The following SKOR2 variants were observed in gnomAD, a reference collection of about 807,000 sequenced individuals.
SKOR2 encodes SKI family transcriptional corepressor 2, also known as LBX1 corepressor 1-like protein.
A neutral mutation model predicts 69.1 loss-of-function variants in SKOR2; 47 were observed. The observed-to-expected ratio is 0.68, with a 90% CI of 0.54 to 0.87. The LOEUF is 0.87. Among genes scored for constraint, SKOR2 ranks in the 40% least tolerant of loss-of-function variants. SKOR2 has a pLI of 0.00. For missense variants in SKOR2, 1,404 were observed against 1,472.2 expected, an observed-to-expected ratio of 0.95 and a Z score of 0.76; for synonymous variants, 717 against 672.6, an observed-to-expected ratio of 1.07 and a Z score of -1.02.
In SKOR2 at chr18:47,213,405, T is replaced by C. The variant is rs142803434; in HGVS notation, c.2986-1254A>G. 5.1e-3 allele frequency among the ~76,000 whole-genome samples: 754 copies of C among 147,830 alleles called. 8 individuals carry two copies. The highest frequency in any genetic ancestry group is 0.018 in the African/African-American group (721 of 40,786). On this transcript the variant is annotated intron_variant, in intron 7 of 8. Transcript: ENST00000425639. ...TATATATTTATATATATCATATAAA[T>C]ATTATATATATATAATATTTCCCAC... is the stretch of plus-strand genomic sequence containing the variant.
chr18:47,220,929 T>C (rs1392585302), intron 6 of SKOR2, among the ~76,000 whole-genome samples: 2 of 152,174 alleles, frequency 1.3e-5, no homozygotes, highest in African/African-American at 2.4e-5. Context: ...GTGAGTTCTA[T>C]GTGTTCCACC....
chr18:47,245,435 T>C, intron 3 of SKOR2, 63 bp downstream of exon 3: 5 of 1,403,118 alleles, frequency 3.6e-6, no homozygotes, highest in South Asian at 1.5e-5. Context: ...TGGGCATAAG[T>C]CTCACAGAAA....
Position 47,247,365 on chromosome 18 carries a change from G to A in SKOR2, c.1819C>T (p.Leu607Phe), listed in dbSNP as rs1275973460. 1.4e-5 allele frequency: 20 copies of A among 1,443,286 alleles called. No homozygotes were observed. Among genetic ancestry groups the A allele is most frequent in the Non-Finnish European group, 1.8e-5 (20 of 1,101,904 alleles). 89.4% of individuals were successfully genotyped at this position (1,443,286 alleles called of 1,614,324 possible). A position where few individuals can be genotyped will look rare whatever the true frequency, so the allele number is the denominator to read the frequency against. ...SRVPAPHHPH[L>F]LEGRKAGGGS... ...CCGCCCGCTTTGCGCCCCTCCAGAA[G>A]GTGCGGATGGTGGGGCGCCGGAACC... The change falls in exon 2 of 9, where the codon CTT becomes TTT. Residue 607 changes from leucine (L) to phenylalanine (F), a missense_variant. Around this residue, in one of 3 missense-constraint regions of SKOR2, gnomAD observed 1,266 missense variants for 1,309.9 expected, o/e 0.97. Transcript: ENST00000425639. This position sits in a 1 kb window ranked among gnomAD's most constrained non-coding sequence, Gnocchi z 6.6.
rs1246911585 is a variant in SKOR2 at position 47,206,609 on chromosome 18, A to G, written c.*287T>C. 2.6e-5 allele frequency: 4 copies of G among 152,316 alleles called. No individual in the cohort carries two copies. Among genetic ancestry groups the G allele is most frequent in the Non-Finnish European group, 4.4e-5 (3 of 68,124 alleles). 9.4% of individuals were successfully genotyped at this position (152,316 alleles called of 1,614,324 possible). The stretch of plus-strand genomic sequence containing the variant: ...CACTTCCCATGCTCTGGGTTCAGCT[A>G]TCCTTTAAAAACACAAAGACTCGAA... On this transcript the variant is annotated 3_prime_UTR_variant, in exon 9 of 9. Transcript: ENST00000425639.
intron 7 of SKOR2, among the ~76,000 whole-genome samples, chr18:47,218,589 C>CAAAAAAAAAA (rs57860548): frequency 2.3e-5 from 2 of 88,242 alleles, no homozygotes; most frequent in African/African-American, 9.2e-5. Context: ...GACCCTGTCT[C>CAAAAAAAAAA]AAAAAAAAAA....
At chr18:47,212,396 A>G (rs1044106745) in intron 7 of SKOR2, among the ~76,000 whole-genome samples, 1 of 152,226 alleles carries the variant, frequency 6.6e-6, no homozygotes, top group African/African-American at 2.4e-5. Context: ...CCTTGAGGTT[A>G]ACATGTGATG....
chr18:47,213,096 G>T (rs568795406), intron 7 of SKOR2, among the ~76,000 whole-genome samples: 3 of 152,164 alleles, frequency 2.0e-5, no homozygotes, highest in East Asian at 3.9e-4. Context: ...ATCACAGTTG[G>T]TATGCTACTT....
rs1160748151 is a variant in SKOR2, at chr18:47,211,083, A to G, written c.*3+1003T>C. 2.0e-5 allele frequency among the ~76,000 whole-genome samples: 3 copies of G among 152,228 alleles called. No individual in the cohort carries two copies. The East Asian group carries it at 5.8e-4, about 29-fold the overall frequency. On this transcript the variant is annotated intron_variant, in intron 8 of 8. Coordinates refer to ENST00000425639, the MANE Select transcript of SKOR2 (RefSeq NM_001278063.4). ...AATAAAGATAATGGCAAGAAAAGTC[A>G]TTTGTACCTGATAGAGGAAATTTGT...
At chr18:47,222,330 GAA>G (rs2064164233) in intron 6 of SKOR2, among the ~76,000 whole-genome samples, 2 of 150,536 alleles carry the variant, frequency 1.3e-5, no homozygotes, top group Non-Finnish European at 3.0e-5. Context: ...AAAAAAAAAA[GAA>G]AAAATTTTTG....
intron 4 of SKOR2, among the ~76,000 whole-genome samples, chr18:47,233,203 T>C (rs1391789882): frequency 1.6e-4 from 24 of 152,210 alleles, no homozygotes; most frequent in Admixed American, 1.6e-3. Flanking sequence ...CCAGATCAGA[T>C]TCCTATAGCC....
chr18:47,230,350 CTGTG>C, intron 6 of SKOR2, 105 bp downstream of exon 6: 1 of 631,748 alleles, frequency 1.6e-6, no homozygotes, highest in Non-Finnish European at 2.3e-6. Context: ...CATGGGAAGA[CTGTG>C]TGTGTTTTGC....
Position 47,249,154 on chromosome 18 carries a change from G to C in SKOR2, c.30C>G (p.Asn10Lys). 6.5e-7 allele frequency: 1 copy of C among 1,535,508 alleles called. No homozygotes were observed. The highest frequency in any genetic ancestry group is 8.7e-7 in the Non-Finnish European group (1 of 1,146,546). ...TCGACGGCGACGCCAGCAGGATGTC[G>C]TTGGGCCCTGGCAGCGGACTGGAAG... MASSPLPGP[N>K]DILLASPSSA... The change falls in exon 2 of 9, where the codon AAC becomes AAG. Residue 10 changes from asparagine (N) to lysine (K), a missense_variant. Physicochemically the swap from Asn to Lys is moderately conservative, Grantham distance 94. Coordinates refer to ENST00000425639, the MANE Select transcript of SKOR2 (RefSeq NM_001278063.4).
intron 7 of SKOR2, among the ~76,000 whole-genome samples, chr18:47,213,243 G>A (rs1032728658): frequency 6.6e-5 from 10 of 151,652 alleles, no homozygotes; most frequent in Non-Finnish European, 1.3e-4. Context: ...GGGCTCTAAA[G>A]ACTTTATTCT....
chr18:47,247,375 G>T lies in SKOR2; in HGVS notation c.1809C>A (p.His603Gln). ...GPAGSRVPAP[H>Q]HPHLLEGRKA... Reference sequence around the variant, plus strand: ...TGCGCCCCTCCAGAAGGTGCGGATGGTGGGGCGCCGGAACCCGGGAGCCCG... The same window carrying T: ...TGCGCCCCTCCAGAAGGTGCGGATGTTGGGGCGCCGGAACCCGGGAGCCCG... Residue 603 changes from histidine to glutamine, a missense_variant, in exon 2 of 9, where the codon CAC becomes CAA. Coordinates refer to ENST00000425639, the MANE Select transcript of SKOR2 (RefSeq NM_001278063.4). This position sits in a 1 kb window ranked among gnomAD's most constrained non-coding sequence, Gnocchi z 6.6. 1 of 1,414,954 alleles carries T rather than the reference G, an allele frequency of 7.1e-7. No individual in the cohort carries two copies. Among genetic ancestry groups the T allele is most frequent in the Non-Finnish European group, 9.2e-7 (1 of 1,086,320 alleles). 87.6% of individuals were successfully genotyped at this position (1,414,954 alleles called of 1,614,324 possible).
At chr18:47,249,425 C>T (rs1399816070) in intron 1 of SKOR2, among the ~76,000 whole-genome samples, 195 bp from the exon 2 acceptor site, 2 of 152,220 alleles carry the variant, frequency 1.3e-5, no homozygotes, top group African/African-American at 4.8e-5. Context: ...TTTAGAAATG[C>T]AGGAATTTGC....
chr18:47,248,528 C>T lies in SKOR2; in HGVS notation c.656G>A (p.Ser219Asn), dbSNP rs1456102628. 2.0e-6 allele frequency: 3 copies of T among 1,537,176 alleles called. No individual in the cohort carries two copies. Among genetic ancestry groups the T allele is most frequent in the South Asian group, 1.2e-5 (1 of 84,062 alleles). Residue 219 changes from serine to asparagine, a missense_variant, in exon 2 of 9, where the codon AGT becomes AAT. Around this residue, in one of 3 missense-constraint regions of SKOR2, gnomAD observed 1,266 missense variants for 1,309.9 expected, o/e 0.97. Transcript: ENST00000425639. The surrounding 1 kb of genome is among the most constrained non-coding windows in gnomAD (Gnocchi z 6.4). ...GGCGAAGACCAGCTCGTCCTGGGGACTCTTGTCGGTGAGCTTGAGATGACG... is the reference window on the plus strand; with the variant it reads ...GGCGAAGACCAGCTCGTCCTGGGGATTCTTGTCGGTGAGCTTGAGATGACG... Reference protein sequence around the residue: ...WRRHLKLTDKSPQDELVFAWE... With the variant: ...WRRHLKLTDKNPQDELVFAWE...
chr18:47,244,755 A>G (rs1306287470), intron 4 of SKOR2, among the ~76,000 whole-genome samples, 153 bp downstream of exon 4: 2 of 152,302 alleles, frequency 1.3e-5, no homozygotes, highest in East Asian at 3.9e-4. Flanking sequence ...TATTAATGTC[A>G]CTGCTTCCCC....
At chr18:47,242,363 T>C (rs998139948) in intron 4 of SKOR2, among the ~76,000 whole-genome samples, 1 of 152,180 alleles carries the variant, frequency 6.6e-6, no homozygotes, top group Non-Finnish European at 1.5e-5. Flanking sequence ...GGTATGGGTA[T>C]GCATGGTTGT....
At chr18:47,216,604 C>G (rs1436226850) in intron 7 of SKOR2, among the ~76,000 whole-genome samples, 1 of 152,040 alleles carries the variant, frequency 6.6e-6, no homozygotes, top group Non-Finnish European at 1.5e-5. Context: ...AATGCAGGAG[C>G]CAAAGAAATT....
Sources: allele counts gnomAD v4.1 joint callset (sites outside exome capture counted in the v4.1 genomes callset), GRCh38; gene constraint gnomAD v4.1.1; regional missense constraint gnomAD v4.1.1; non-coding constraint Gnocchi (gnomAD v3.1); transcripts MANE v1.5; gene names NCBI Gene and HGNC (gene_info 2026-07-23, HGNC 2026-07-21).